RPS6KC1: variants seen among roughly 807,000 people sequenced by gnomAD.
RPS6KC1 encodes the protein ribosomal protein S6 kinase C1.
RPS6KC1 carries 54 observed loss-of-function variants against 103.8 expected under a neutral mutation model. That is an observed-to-expected ratio of 0.52 (90% confidence interval 0.42 to 0.65). The LOEUF (loss-of-function observed/expected upper bound fraction) is 0.65, where lower values mean the gene tolerates loss of function less well. RPS6KC1 is among the 30% of genes least tolerant of loss of function. The pLI is 0.00. For missense variants in RPS6KC1, 1,151 were observed against 1,253.8 expected (o/e 0.92, Z 1.24); for synonymous variants, 439 against 438.7 (o/e 1.00, Z -0.01).
intron 6 of RPS6KC1, among the ~76,000 whole-genome samples, chr1:213,152,649 G>A (rs1255977520): frequency 1.9e-4 from 28 of 150,290 alleles, no homozygotes; most frequent in East Asian, 9.8e-4. Flanking sequence ...ATGGGCGGCC[G>A]GGCAGAGACG....
chr1:213,212,043 G>A (rs148035430), intron 8 of RPS6KC1, among the ~76,000 whole-genome samples: 20 of 151,984 alleles, frequency 1.3e-4, no homozygotes, highest in African/African-American at 1.9e-4. Flanking sequence ...CCACCAGAGT[G>A]GTACATTTAT....
At chr1:213,705,929 A>G in the RPS6KC1 span, among the ~76,000 whole-genome samples, 1 of 152,156 alleles carries the variant, frequency 6.6e-6, no homozygotes, top group Non-Finnish European at 1.5e-5. Context: ...TACTGTACCT[A>G]TGTTGCTGTA....
the RPS6KC1 span, among the ~76,000 whole-genome samples, chr1:213,325,755 T>G: frequency 6.6e-6 from 1 of 152,318 alleles, no homozygotes; most frequent in South Asian, 2.1e-4. Flanking sequence ...ATGGGAAAAT[T>G]AGAGGCCTGA....
In RPS6KC1 at chr1:213,209,214, C is replaced by T. The variant is rs2841426; in HGVS notation, c.1045-21283C>T. ...TTAATTGTTGTTTTCTCTCAGTAGC[C>T]CCGCTCACTTTCATCTACTGTCTGA... is the stretch of plus-strand genomic sequence containing the variant. On this transcript the variant is annotated intron_variant, in intron 8 of 14. Transcript: ENST00000366960. 3.6e-3 allele frequency among the ~76,000 whole-genome samples: 543 copies of T among 152,178 alleles called. 3 individuals are homozygous for T. The highest frequency in any genetic ancestry group is 0.012 in the African/African-American group (506 of 41,514).
At chr1:213,632,861 A>T in the RPS6KC1 span, among the ~76,000 whole-genome samples, 1 of 152,278 alleles carries the variant, frequency 6.6e-6, no homozygotes, top group Non-Finnish European at 1.5e-5. Context: ...AAATGACCTG[A>T]TGGAGCTGAA....
the RPS6KC1 span, among the ~76,000 whole-genome samples, chr1:213,764,240 G>A: frequency 6.6e-6 from 1 of 152,156 alleles, no homozygotes; most frequent in Non-Finnish European, 1.5e-5. Flanking sequence ...AAACTTTGGC[G>A]GATCAGGGGA....
At chr1:213,560,116 CA>C in the RPS6KC1 span, among the ~76,000 whole-genome samples, 1 of 152,152 alleles carries the variant, frequency 6.6e-6, no homozygotes, top group Non-Finnish European at 1.5e-5. Flanking sequence ...CTGTAATAGG[CA>C]AAATTCTAAA....
chr1:213,847,691 C>G, the RPS6KC1 span, among the ~76,000 whole-genome samples: 6 of 152,270 alleles, frequency 3.9e-5, no homozygotes, highest in African/African-American at 1.4e-4. Flanking sequence ...TCTCTTGAAT[C>G]CTTTATGCAT....
In RPS6KC1 at chr1:213,051,395, C is replaced by A; in HGVS notation, c.-10C>A. 3.1e-6 allele frequency: 5 copies of A among 1,603,374 alleles called. No individual in the cohort carries two copies. Among genetic ancestry groups the A allele is most frequent in the Non-Finnish European group, 4.3e-6 (5 of 1,172,234 alleles). Reference sequence around the variant, plus strand: ...GGGCGGGTGGCGGCGGCGGCAGAGGCGGCGGGAGGATGACCTCTTACCGGG... The same window carrying A: ...GGGCGGGTGGCGGCGGCGGCAGAGGAGGCGGGAGGATGACCTCTTACCGGG... On this transcript the variant is annotated 5_prime_UTR_variant, in exon 1 of 15. Transcript: ENST00000366960.
the RPS6KC1 span, among the ~76,000 whole-genome samples, chr1:213,533,147 C>G: frequency 6.6e-6 from 1 of 152,098 alleles, no homozygotes; most frequent in East Asian, 1.9e-4. Context: ...GCAGGAAGAG[C>G]CAGAACCAGG....
At chr1:213,461,219 T>G in the RPS6KC1 span, among the ~76,000 whole-genome samples, 1 of 152,228 alleles carries the variant, frequency 6.6e-6, no homozygotes, top group South Asian at 2.1e-4. Flanking sequence ...GGAATACAAC[T>G]TAGAAGGGAT....
At chr1:213,759,895 A>C in the RPS6KC1 span, among the ~76,000 whole-genome samples, 124 of 152,226 alleles carry the variant, frequency 8.1e-4, 1 homozygote, top group East Asian at 0.016. Context: ...GAGCCAATGC[A>C]CTCCCAGTAA....
intron 6 of RPS6KC1, among the ~76,000 whole-genome samples, chr1:213,151,617 A>T (rs1418987401): frequency 1.6e-5 from 1 of 60,762 alleles, no homozygotes; most frequent in Non-Finnish European, 3.2e-5. Flanking sequence ...CCCCACCTCC[A>T]TCCCAGACGG....
chr1:213,601,090 C>G, the RPS6KC1 span, among the ~76,000 whole-genome samples: 3 of 152,136 alleles, frequency 2.0e-5, no homozygotes, highest in African/African-American at 7.2e-5. Context: ...GTGCCAGATT[C>G]AGGGTTTTCA....
chr1:213,610,221 C>T, the RPS6KC1 span, among the ~76,000 whole-genome samples: 2 of 152,146 alleles, frequency 1.3e-5, no homozygotes, highest in African/African-American at 2.4e-5. Flanking sequence ...TTTTCTATTT[C>T]ATGCACCAGC....
the RPS6KC1 span, among the ~76,000 whole-genome samples, chr1:213,365,984 C>T: frequency 0.031 from 4,702 of 152,300 alleles, 257 homozygotes; most frequent in African/African-American, 0.11. Context: ...TATCTAGAGC[C>T]TTGGTCTCAA....
the RPS6KC1 span, among the ~76,000 whole-genome samples, chr1:213,653,590 T>G: frequency 2.6e-5 from 4 of 152,368 alleles, no homozygotes; most frequent in East Asian, 7.7e-4. Flanking sequence ...TCTTAGGCTC[T>G]TTAACCTATC....
At chr1:213,857,286 C>T in the RPS6KC1 span, among the ~76,000 whole-genome samples, 4 of 152,142 alleles carry the variant, frequency 2.6e-5, no homozygotes, top group East Asian at 1.9e-4. Flanking sequence ...GCTTTCTTCC[C>T]GTTGAATTTC....
chr1:213,720,716 G>T, the RPS6KC1 span, among the ~76,000 whole-genome samples: 2 of 152,306 alleles, frequency 1.3e-5, no homozygotes, highest in East Asian at 3.9e-4. Context: ...AGTTGTACCT[G>T]CTTATTCTTC....
Sources: allele counts gnomAD v4.1 joint callset (sites outside exome capture counted in the v4.1 genomes callset), GRCh38; gene constraint gnomAD v4.1.1; transcripts MANE v1.5; gene names NCBI Gene and HGNC (gene_info 2026-07-23, HGNC 2026-07-21).